Variants in PTGFRN observed in about 807,000 individuals in gnomAD.
The protein encoded by PTGFRN is prostaglandin F2 receptor inhibitor, also known as prostaglandin F2 receptor negative regulator.
PTGFRN carries 35 observed loss-of-function variants against 83.2 expected under a neutral mutation model. The ratio of observed to expected loss-of-function variants is 0.42; its 90% confidence interval spans 0.32 to 0.56. PTGFRN has a LOEUF of 0.56. Among genes scored for constraint, PTGFRN ranks in the 20% least tolerant of loss-of-function variants. The probability of loss-of-function intolerance (pLI) is 0.11; values close to 1 mark genes in which losing one functional copy is unlikely to be tolerated. For missense variants in PTGFRN, 1,051 were observed against 1,179.5 expected (o/e 0.89, Z 1.60); for synonymous variants, 519 against 498.6 (o/e 1.04, Z -0.55).
rs181896043 is a variant in PTGFRN, at chr1:116,929,404, C to G, written c.50-12311C>G. ...TCCCACAGCAGTCAGACTGAAATTT[C>G]TACAAAGAAAGTAGGCTCTATCGTT... On this transcript the variant is annotated intron_variant, in intron 1 of 8. Transcript: ENST00000393203. Among the ~76,000 whole-genome samples, 411 of 152,316 alleles carry G rather than the reference C, an allele frequency of 2.7e-3. 2 individuals carry two copies. The highest frequency in any genetic ancestry group is 4.3e-3 in the Non-Finnish European group (291 of 68,030).
chr1:116,944,482 T>G (rs1650135654), intron 2 of PTGFRN, among the ~76,000 whole-genome samples, 197 bp from the exon 3 acceptor site: 1 of 152,148 alleles, frequency 6.6e-6, no homozygotes, highest in African/African-American at 2.4e-5. Context: ...ATGGGGTTTT[T>G]TTGGTACCTT....
At chr1:116,933,480 T>G (rs1303875032) in intron 1 of PTGFRN, among the ~76,000 whole-genome samples, 1 of 152,220 alleles carries the variant, frequency 6.6e-6, no homozygotes, top group African/African-American at 2.4e-5. Context: ...TTACTAATAT[T>G]GTATTTATAG....
chr1:116,919,746 T>G (rs1224524478), intron 1 of PTGFRN, among the ~76,000 whole-genome samples: 1 of 152,240 alleles, frequency 6.6e-6, no homozygotes, highest in Admixed American at 6.5e-5. Flanking sequence ...AGTACACTAG[T>G]CTGTCTTTCC....
rs528806623 is a variant in PTGFRN at position 116,961,163 on chromosome 1, C to G, written c.1214-80C>G. Reference sequence around the variant, plus strand: ...ATTTAATTGTTAAAACAAGAGCAGTCCTTGTCTCATTCCTTTTGTTAATTC... The same window carrying G: ...ATTTAATTGTTAAAACAAGAGCAGTGCTTGTCTCATTCCTTTTGTTAATTC... On this transcript the variant is annotated intron_variant, in intron 4 of 8. Transcript: ENST00000393203. This position sits in a 1 kb window ranked among gnomAD's most constrained non-coding sequence, Gnocchi z 5.4. 1 of 1,399,524 alleles carries G rather than the reference C, an allele frequency of 7.1e-7. No homozygotes were observed. Among genetic ancestry groups the G allele is most frequent in the South Asian group, 1.7e-5 (1 of 60,546 alleles). 86.7% of individuals were successfully genotyped at this position (1,399,524 alleles called of 1,614,324 possible). A position where few individuals can be genotyped will look rare whatever the true frequency, so the allele number is the denominator to read the frequency against.
At chr1:116,922,056 TG>T (rs1476136088) in intron 1 of PTGFRN, among the ~76,000 whole-genome samples, 1 of 152,078 alleles carries the variant, frequency 6.6e-6, no homozygotes, top group African/African-American at 2.4e-5. Context: ...TATTAAACTC[TG>T]GGGAAGGGAG....
intron 1 of PTGFRN, among the ~76,000 whole-genome samples, chr1:116,915,284 C>G (rs1469681139): frequency 6.6e-6 from 1 of 152,196 alleles, no homozygotes; most frequent in African/African-American, 2.4e-5. Flanking sequence ...AAGGGCAGTG[C>G]CAGCATGCAC....
rs1334344867 is a variant in PTGFRN at position 116,988,122 on chromosome 1, G to C, written c.*1155G>C. ...TCAAGGAATCAGAAATTACCTAGAA[G>C]CACCATGTTTTTTCTATGACCTTTT... On this transcript the variant is annotated 3_prime_UTR_variant, in exon 9 of 9. Coordinates refer to ENST00000393203, the MANE Select transcript of PTGFRN (RefSeq NM_020440.4). 6.6e-6 allele frequency: 1 copy of C among 152,208 alleles called. No homozygotes were observed. Among genetic ancestry groups the C allele is most frequent in the Non-Finnish European group, 1.5e-5 (1 of 68,058 alleles). The allele number at this position is 152,208 out of a possible 1,614,324, so 9.4% of individuals were successfully genotyped here.
chr1:116,929,187 T>C (rs1249005313), intron 1 of PTGFRN, among the ~76,000 whole-genome samples: 1 of 152,248 alleles, frequency 6.6e-6, no homozygotes, highest in Non-Finnish European at 1.5e-5. Flanking sequence ...ATTGCTCTCT[T>C]CTTCATTCCC....
At chr1:116,945,164 A>AT in intron 3 of PTGFRN, 72 bp downstream of exon 3, 1 of 1,517,574 alleles carries the variant, frequency 6.6e-7, no homozygotes, top group South Asian at 1.3e-5. Flanking sequence ...GAACCGGGCC[A>AT]GGGAGCCCCA....
At position 116,941,915 on chromosome 1, in the gene PTGFRN, C is replaced by G; in HGVS notation, c.250C>G (p.Gln84Glu). 2.5e-6 allele frequency: 4 copies of G among 1,614,162 alleles called. No homozygotes were observed. Among genetic ancestry groups the G allele is most frequent in the South Asian group, 1.1e-5 (1 of 91,080 alleles). Reference sequence around the variant, plus strand: ...GGTGGGGTTCCCAGCCCAGCTGTACCAGGAGCGGCTGCAGAGGGGCGAGAT... The same window carrying G: ...GGTGGGGTTCCCAGCCCAGCTGTACGAGGAGCGGCTGCAGAGGGGCGAGAT... ...WEVGFPAQLY[Q>E]ERLQRGEILL... Residue 84 changes from glutamine to glutamate, a missense_variant, in exon 2 of 9, where the codon CAG becomes GAG. Gln to Glu is a conservative substitution (Grantham distance 29, BLOSUM62 2). Around this residue, in one of 3 missense-constraint regions of PTGFRN, gnomAD observed 127 missense variants for 168.4 expected, o/e 0.75. Coordinates refer to ENST00000393203, the MANE Select transcript of PTGFRN (RefSeq NM_020440.4). This position sits in a 1 kb window ranked among gnomAD's most constrained non-coding sequence, Gnocchi z 5.0.
At chr1:116,937,877 G>A (rs1022104178) in intron 1 of PTGFRN, among the ~76,000 whole-genome samples, 3 of 152,200 alleles carry the variant, frequency 2.0e-5, no homozygotes, top group African/African-American at 7.2e-5. Flanking sequence ...CATGAGTGCT[G>A]TAAGTACATT....
intron 4 of PTGFRN, among the ~76,000 whole-genome samples, chr1:116,951,923 G>A (rs951389197): frequency 2.6e-5 from 4 of 152,170 alleles, no homozygotes; most frequent in Admixed American, 1.3e-4. Flanking sequence ...TAAGGTAACC[G>A]AGAAGTGACC....
At chr1:116,914,197 T>G (rs1649342222) in intron 1 of PTGFRN, among the ~76,000 whole-genome samples, 1 of 152,216 alleles carries the variant, frequency 6.6e-6, no homozygotes, top group African/African-American at 2.4e-5. Flanking sequence ...AAGATCACTT[T>G]GGTAGTCGTC....
chr1:116,983,432 C>T (rs953620591), intron 7 of PTGFRN, among the ~76,000 whole-genome samples: 17 of 145,394 alleles, frequency 1.2e-4, no homozygotes, highest in Non-Finnish European at 2.2e-4. Flanking sequence ...ACTGTGAGAG[C>T]ATGAGGCTGT....
chr1:116,982,555 G>T (rs571647228), intron 7 of PTGFRN, among the ~76,000 whole-genome samples: 2 of 152,044 alleles, frequency 1.3e-5, no homozygotes, highest in South Asian at 2.1e-4. Context: ...CAGGTTCTCC[G>T]CAAGCAAAGA....
intron 3 of PTGFRN, 41 bp downstream of exon 3, chr1:116,945,133 G>A: frequency 6.4e-7 from 1 of 1,558,246 alleles, no homozygotes; most frequent in East Asian, 2.3e-5. Context: ...GTTATTTTGT[G>A]ACTAATGATA....
chr1:116,940,945 G>A, intron 1 of PTGFRN, among the ~76,000 whole-genome samples: 1 of 152,176 alleles, frequency 6.6e-6, no homozygotes, highest in East Asian at 1.9e-4. Context: ...ACCAGAGAGG[G>A]CTGGGAATTG....
intron 1 of PTGFRN, among the ~76,000 whole-genome samples, chr1:116,929,238 G>A (rs1649733461): frequency 6.6e-6 from 1 of 152,160 alleles, no homozygotes; most frequent in Admixed American, 6.5e-5. Context: ...TCATACACAA[G>A]TTAAGTCCTG....
Position 116,961,776 on chromosome 1 carries a change from T to C in PTGFRN, c.1639+108T>C. The C allele has an allele frequency of 1.8e-6, 2 of 1,092,560 alleles. No homozygotes were observed. Among genetic ancestry groups the C allele is most frequent in the Non-Finnish European group, 2.6e-6 (2 of 772,180 alleles). The allele number at this position is 1,092,560 out of a possible 1,614,324, so 67.7% of individuals were successfully genotyped here. The stretch of plus-strand genomic sequence containing the variant: ...TGCAGGTTATCACTTACACTAGGAA[T>C]GTGTGTCCTGGACATTGATCGCCAT... On this transcript the variant is annotated intron_variant, in intron 5 of 8. Transcript: ENST00000393203. This position sits in a 1 kb window ranked among gnomAD's most constrained non-coding sequence, Gnocchi z 5.4.
Sources: gnomAD v4.1 joint callset for allele counts (sites outside exome capture counted in the v4.1 genomes callset) on GRCh38, gnomAD v4.1.1 for gene constraint, gnomAD v4.1.1 regional missense constraint, Gnocchi (gnomAD v3.1) non-coding constraint, MANE v1.5 for transcripts, NCBI Gene and HGNC (gene_info 2026-07-23, HGNC 2026-07-21) for gene names.